The following PHF21A variants were observed in gnomAD, a reference collection of about 807,000 sequenced individuals.
The protein encoded by PHF21A is PHD finger protein 21A, also known as BHC80a.
Under a neutral mutation model 82.5 loss-of-function variants are expected in PHF21A, and 11 were observed. The observed-to-expected ratio is 0.13, with a 90% CI of 0.08 to 0.22. PHF21A has a LOEUF of 0.22. PHF21A is among the 10% of genes least tolerant of loss of function. The pLI, the probability that PHF21A is intolerant of heterozygous loss-of-function variation, is 1.00. For synonymous variants in PHF21A, 297 were observed against 302.8 expected, an observed-to-expected ratio of 0.98 and a Z score of 0.20; for missense variants, 579 against 837.8, an observed-to-expected ratio of 0.69 and a Z score of 3.81.
At position 45,990,666 on chromosome 11, in the gene PHF21A, G is replaced by C. The variant is rs2094664714; in HGVS notation, c.154-10700C>G. On this transcript the variant is annotated intron_variant, in intron 6 of 18. Coordinates refer to ENST00000676320, the MANE Select transcript of PHF21A (RefSeq NM_001352027.3). ...TACAGCAAAAGTATTGACATGCATGGTCAAAAGAGGACACTACAATGAACA... is the reference window on the plus strand; with the variant it reads ...TACAGCAAAAGTATTGACATGCATGCTCAAAAGAGGACACTACAATGAACA... Among the ~76,000 whole-genome samples the C allele has an allele frequency of 3.3e-5, 5 of 151,010 alleles. No individual in the cohort carries two copies. In the South Asian group the frequency reaches 1.0e-3, roughly 32 times the overall value.
chr11:46,014,648 T>C (rs996519707), intron 6 of PHF21A, among the ~76,000 whole-genome samples: 6 of 152,244 alleles, frequency 3.9e-5, no homozygotes, highest in Non-Finnish European at 7.3e-5. Context: ...CTTTTTTCCA[T>C]AGCCTCTCCA....
At chr11:45,954,439 A>G (rs748311500) in intron 10 of PHF21A, among the ~76,000 whole-genome samples, 2 of 152,150 alleles carry the variant, frequency 1.3e-5, no homozygotes, top group African/African-American at 2.4e-5. Context: ...CCACCCTTAC[A>G]TGGAATATTA....
At chr11:46,040,934 C>T (rs2096125497) in intron 6 of PHF21A, among the ~76,000 whole-genome samples, 1 of 120,932 alleles carries the variant, frequency 8.3e-6, no homozygotes, top group Non-Finnish European at 1.8e-5. Flanking sequence ...CACACACACA[C>T]GCACGCACAA....
intron 10 of PHF21A, among the ~76,000 whole-genome samples, chr11:45,964,048 T>A (rs778321514): frequency 1.4e-4 from 21 of 151,608 alleles, no homozygotes; most frequent in Non-Finnish European, 2.7e-4. Context: ...AAATACAAAA[T>A]TAGCCAGGCA....
intron 7 of PHF21A, among the ~76,000 whole-genome samples, 182 bp from the exon 8 acceptor site, chr11:45,971,549 A>T (rs2093744692): frequency 6.6e-6 from 1 of 152,200 alleles, no homozygotes; most frequent in African/African-American, 2.4e-5. Context: ...CTACAGAGAA[A>T]GGCAATCTCT....
intron 6 of PHF21A, among the ~76,000 whole-genome samples, chr11:46,058,060 C>T (rs2096484933): frequency 6.6e-6 from 1 of 152,218 alleles, no homozygotes; most frequent in Admixed American, 6.5e-5. Context: ...AACATCTCAA[C>T]TTTTAACAAA....
chr11:45,975,880 G>A (rs1335676663), intron 7 of PHF21A, among the ~76,000 whole-genome samples: 4 of 151,656 alleles, frequency 2.6e-5, no homozygotes, highest in East Asian at 1.9e-4. Flanking sequence ...CTGGCCCCCC[G>A]ATTGCTACTT....
chr11:45,938,815 A>G (rs1043840118), intron 15 of PHF21A, among the ~76,000 whole-genome samples: 3 of 152,036 alleles, frequency 2.0e-5, no homozygotes, highest in African/African-American at 7.2e-5. Flanking sequence ...GAAACTTCAG[A>G]TAAGGGGGAG....
chr11:46,076,919 C>T, intron 5 of PHF21A, 100 bp from the exon 6 acceptor site: 1 of 901,706 alleles, frequency 1.1e-6, no homozygotes, highest in Non-Finnish European at 1.8e-6. Flanking sequence ...GATGAAGCAA[C>T]CCGAAGCATT....
chr11:46,069,434 T>C (rs2096631065), intron 6 of PHF21A, among the ~76,000 whole-genome samples: 1 of 152,224 alleles, frequency 6.6e-6, no homozygotes, highest in African/African-American at 2.4e-5. Context: ...TAAATTCCAA[T>C]GTGATGTGCC....
intron 6 of PHF21A, among the ~76,000 whole-genome samples, chr11:46,022,299 T>G (rs1252498705): frequency 1.3e-5 from 2 of 151,826 alleles, no homozygotes; most frequent in Non-Finnish European, 2.9e-5. Context: ...ACAAAAAAAT[T>G]TAAAAATTAG....
chr11:46,078,593 T>G (rs565726962), intron 5 of PHF21A, among the ~76,000 whole-genome samples: 9 of 152,206 alleles, frequency 5.9e-5, no homozygotes, highest in Non-Finnish European at 1.0e-4. Flanking sequence ...TTAATTTTTC[T>G]GTTAGAAAGT....
intron 6 of PHF21A, among the ~76,000 whole-genome samples, chr11:46,019,903 T>C (rs1484206111): frequency 6.6e-6 from 1 of 152,168 alleles, no homozygotes; most frequent in African/African-American, 2.4e-5. Context: ...TGCTTAACTT[T>C]CAGGGTTCCT....
chr11:46,011,875 A>G (rs1156316942), intron 6 of PHF21A, among the ~76,000 whole-genome samples: 1 of 152,222 alleles, frequency 6.6e-6, no homozygotes, highest in East Asian at 1.9e-4. Context: ...CAAAAAGAGC[A>G]AAAACTTCTT....
chr11:46,090,401 A>G (rs1296226886), intron 3 of PHF21A, 54 bp downstream of exon 3: 1 of 152,200 alleles, frequency 6.6e-6, no homozygotes, highest in Non-Finnish European at 1.5e-5. Flanking sequence ...TCAGATCAAT[A>G]TAAGGAAAAG....
chr11:46,084,539 C>G (rs1379492817), intron 3 of PHF21A, among the ~76,000 whole-genome samples: 1 of 152,060 alleles, frequency 6.6e-6, no homozygotes, highest in Middle Eastern at 3.2e-3. Flanking sequence ...AACATCTAAG[C>G]ACCCACTACA....
At chr11:46,057,946 A>G (rs1036061428) in intron 6 of PHF21A, among the ~76,000 whole-genome samples, 3 of 152,202 alleles carry the variant, frequency 2.0e-5, no homozygotes, top group Non-Finnish European at 4.4e-5. Flanking sequence ...TCAAGAAAAA[A>G]AGTCTAATTT....
At chr11:45,980,880 C>T (rs1211615500) in intron 6 of PHF21A, among the ~76,000 whole-genome samples, 2 of 152,192 alleles carry the variant, frequency 1.3e-5, no homozygotes, top group Non-Finnish European at 2.9e-5. Context: ...GGGACAGGTT[C>T]TGTGGCGGTA....
At chr11:45,942,258 G>A (rs747461992) in intron 15 of PHF21A, among the ~76,000 whole-genome samples, 1 of 152,210 alleles carries the variant, frequency 6.6e-6, no homozygotes, top group Admixed American at 6.5e-5. Flanking sequence ...CTCTTAGTTT[G>A]TGAGTTGATG....
Sources: gnomAD v4.1 joint callset for allele counts (sites outside exome capture counted in the v4.1 genomes callset) on GRCh38, gnomAD v4.1.1 for gene constraint, MANE v1.5 for transcripts, NCBI Gene and HGNC (gene_info 2026-07-23, HGNC 2026-07-21) for gene names.